ARFGEF3: variants seen among roughly 807,000 people sequenced by gnomAD.
The protein encoded by ARFGEF3 is ARFGEF family member 3, also known as brefeldin A-inhibited guanine nucleotide-exchange protein 3.
In ARFGEF3, 96 loss-of-function variants were observed where a neutral mutation model predicts 221.7. The observed-to-expected ratio is 0.43, with a 90% CI of 0.37 to 0.51. The LOEUF (loss-of-function observed/expected upper bound fraction) is 0.51. Among genes scored for constraint, ARFGEF3 ranks in the 20% least tolerant of loss-of-function variants. The pLI, the probability that ARFGEF3 is intolerant of heterozygous loss-of-function variation, is 0.00. For synonymous variants in ARFGEF3, 1,145 were observed against 1,126.8 expected, an observed-to-expected ratio of 1.02 and a Z score of -0.32; for missense variants, 2,410 against 2,789.9, an observed-to-expected ratio of 0.86 and a Z score of 3.07.
intron 2 of ARFGEF3, among the ~76,000 whole-genome samples, chr6:138,201,244 T>G (rs966684690): frequency 6.6e-6 from 1 of 152,210 alleles, no homozygotes; most frequent in African/African-American, 2.4e-5. Flanking sequence ...GTACAGCCAC[T>G]ATGGAAAACA....
chr6:138,258,108 C>G (rs1056335440), intron 10 of ARFGEF3, among the ~76,000 whole-genome samples: 2 of 152,154 alleles, frequency 1.3e-5, no homozygotes, highest in African/African-American at 4.8e-5. Context: ...TTCATTGACT[C>G]TCCCATCAAG....
intron 2 of ARFGEF3, among the ~76,000 whole-genome samples, chr6:138,178,322 G>A (rs79235531): frequency 0.04 from 6,153 of 152,180 alleles, 137 homozygotes; most frequent in Middle Eastern, 0.092. Context: ...TAAGTAGCCC[G>A]ATAGCTCCCC....
chr6:138,294,446 G>GA, intron 20 of ARFGEF3, among the ~76,000 whole-genome samples: 1 of 152,356 alleles, frequency 6.6e-6, no homozygotes, highest in Non-Finnish European at 1.5e-5. Context: ...TCCTTCACAT[G>GA]AGGGTGGAGC....
In ARFGEF3 at chr6:138,255,558, T is replaced by G. The variant is rs1427001627; in HGVS notation, c.893T>G (p.Val298Gly). 4 of 1,613,720 alleles carry G rather than the reference T, an allele frequency of 2.5e-6. No homozygotes were observed. In the East Asian group the frequency reaches 8.9e-5, roughly 36 times the overall value. Residue 298 changes from valine to glycine, a missense_variant, in exon 10 of 34, where the codon GTG (valine) becomes GGG (glycine). Around this residue, in one of 5 missense-constraint regions of ARFGEF3, gnomAD observed 570 missense variants for 586.9 expected, o/e 0.97. Transcript: ENST00000251691. ...SLESDSASPG[V>G]SDHGRGSGCS... ...GAGTCGGACTCTGCGTCTCCGGGAG[T>G]GTCTGACCACGGCCGAGGATCAGGC... is the stretch of plus-strand genomic sequence containing the variant.
rs1780083332 is a variant in ARFGEF3, at chr6:138,324,004, A to G, written c.4870-19A>G. On this transcript the variant is annotated intron_variant, in intron 30 of 33. Transcript: ENST00000251691. ...ATGAACCAGGATGCATTCAGTGAGCATCTGCTGTTTCTCCCCAGGACCTGC... is the reference window on the plus strand; with the variant it reads ...ATGAACCAGGATGCATTCAGTGAGCGTCTGCTGTTTCTCCCCAGGACCTGC... 4 of 1,611,124 alleles carry G rather than the reference A, an allele frequency of 2.5e-6. No homozygotes were observed. Among genetic ancestry groups the G allele is most frequent in the Non-Finnish European group, 3.4e-6 (4 of 1,178,248 alleles).
intron 29 of ARFGEF3, 125 bp from the exon 30 acceptor site, chr6:138,323,546 G>A (rs1489598408): frequency 7.0e-6 from 5 of 718,998 alleles, no homozygotes; most frequent in Non-Finnish European, 1.1e-5. Flanking sequence ...GGGAGATGGA[G>A]GTTGCAGTGA....
Position 138,162,187 on chromosome 6 carries a change from C to T in ARFGEF3, c.85+16C>T, listed in dbSNP as rs761794903. The T allele has an allele frequency of 5.0e-6, 8 of 1,587,020 alleles. No homozygotes were observed. The South Asian group carries it at 7.8e-5, about 16-fold the overall frequency. Reference sequence around the variant, plus strand: ...TGGGCCCTGGGTAAGCGTCCGGCACCTGCTCGCCGCGGCGGGAGGGCCGCG... The same window carrying T: ...TGGGCCCTGGGTAAGCGTCCGGCACTTGCTCGCCGCGGCGGGAGGGCCGCG... On this transcript the variant is annotated intron_variant, in intron 1 of 33. Transcript: ENST00000251691. The surrounding 1 kb of genome is among the most constrained non-coding windows in gnomAD (Gnocchi z 4.7).
intron 33 of ARFGEF3, 64 bp downstream of exon 33, chr6:138,335,252 C>G (rs925369818): frequency 4.2e-6 from 6 of 1,439,798 alleles, no homozygotes; most frequent in Non-Finnish European, 5.5e-6. Flanking sequence ...ATGGGCCCCC[C>G]CTTGCAGAGC....
Position 138,182,043 on chromosome 6 carries a change from T to A in ARFGEF3, c.137+11330T>A, listed in dbSNP as rs184620072. ...GGAGAAGGGTGGGTGCAGACTAGAATCATGTGTTGTTTTCTTGGAAACCTT... is the reference window on the plus strand; with the variant it reads ...GGAGAAGGGTGGGTGCAGACTAGAAACATGTGTTGTTTTCTTGGAAACCTT... On this transcript the variant is annotated intron_variant, in intron 2 of 33. Transcript: ENST00000251691. Among the ~76,000 whole-genome samples the A allele has an allele frequency of 2.0e-5, 3 of 152,240 alleles. No individual in the cohort carries two copies. In the East Asian group the frequency reaches 5.8e-4, roughly 29 times the overall value.
At chr6:138,323,641 A>G in intron 29 of ARFGEF3, 30 bp from the exon 30 acceptor site, 1 of 1,599,306 alleles carries the variant, frequency 6.3e-7, no homozygotes, top group Non-Finnish European at 8.5e-7. Context: ...ACAACAAAAA[A>G]AAAACTCCTT....
intron 4 of ARFGEF3, chr6:138,218,071 A>G (rs778291539): frequency 2.5e-6 from 4 of 1,613,966 alleles, no homozygotes; most frequent in South Asian, 1.1e-5. Flanking sequence ...TGCAAAGTCA[A>G]TGTGAATAAT....
Position 138,209,995 on chromosome 6 carries a change from A to C in ARFGEF3, c.305A>C (p.Lys102Thr). Residue 102 changes from lysine to threonine, a missense_variant, in exon 4 of 34, where the codon AAA becomes ACA. Coordinates refer to ENST00000251691, the MANE Select transcript of ARFGEF3 (RefSeq NM_020340.5). ...QLLNQILNAV[K>T]VTPSLNEDLQ... is the part of the protein sequence containing the mutation. ...CTCAATCAGATACTGAATGCCGTGAAAGTGACGCCTTCGCTCAACGAGGAC... is the reference window on the plus strand; with the variant it reads ...CTCAATCAGATACTGAATGCCGTGACAGTGACGCCTTCGCTCAACGAGGAC... 1 of 1,613,916 alleles carries C rather than the reference A, an allele frequency of 6.2e-7. No homozygotes were observed. Among genetic ancestry groups the C allele is most frequent in the Non-Finnish European group, 8.5e-7 (1 of 1,179,836 alleles).
intron 1 of ARFGEF3, among the ~76,000 whole-genome samples, chr6:138,163,702 G>T (rs1395453004): frequency 6.6e-6 from 1 of 152,178 alleles, no homozygotes; most frequent in Non-Finnish European, 1.5e-5. Context: ...CACTGGGGAG[G>T]CTGAGCATTG....
At chr6:138,216,580 G>A (rs935563885) in intron 4 of ARFGEF3, 1 of 152,192 alleles carries the variant, frequency 6.6e-6, no homozygotes, top group African/African-American at 2.4e-5. Flanking sequence ...TAGTTTTGAT[G>A]TTCTTAACTC....
chr6:138,190,062 C>T (rs1356666386), intron 2 of ARFGEF3, among the ~76,000 whole-genome samples: 2 of 151,220 alleles, frequency 1.3e-5, no homozygotes, highest in African/African-American at 4.9e-5. Flanking sequence ...CTAACCTGGG[C>T]AACAGGACAA....
chr6:138,253,873 T>G lies in ARFGEF3; in HGVS notation c.666-7T>G. ...TCTGCATTTGTGTCGGTTCTGCTCT[T>G]CTGCAGTGACAGCCAGCAGCTGCAG... On this transcript the variant is annotated splice_region_variant and splice_polypyrimidine_tract_variant and intron_variant, in intron 8 of 33. Coordinates refer to ENST00000251691, the MANE Select transcript of ARFGEF3 (RefSeq NM_020340.5). The G allele has an allele frequency of 6.4e-7, 1 of 1,567,176 alleles. No homozygotes were observed. Among genetic ancestry groups the G allele is most frequent in the Non-Finnish European group, 8.7e-7 (1 of 1,154,452 alleles).
Position 138,338,918 on chromosome 6 carries a change from A to G in ARFGEF3, c.*2432A>G, listed in dbSNP as rs1780380235. On this transcript the variant is annotated 3_prime_UTR_variant, in exon 34 of 34. Coordinates refer to ENST00000251691, the MANE Select transcript of ARFGEF3 (RefSeq NM_020340.5). Reference sequence around the variant, plus strand: ...ATCCAAAATTCTTGAACATAAGTTTACCCTGTACTGTGTCCAAACACTGTT... The same window carrying G: ...ATCCAAAATTCTTGAACATAAGTTTGCCCTGTACTGTGTCCAAACACTGTT... The G allele has an allele frequency of 6.6e-6, 1 of 152,042 alleles. No individual in the cohort carries two copies. The highest frequency in any genetic ancestry group is 1.5e-5 in the Non-Finnish European group (1 of 68,034). 9.4% of individuals were successfully genotyped at this position (152,042 alleles called of 1,614,324 possible).
chr6:138,291,786 C>T lies in ARFGEF3; in HGVS notation c.3101C>T (p.Ser1034Leu), dbSNP rs746485693. ...LEHNHFSDGA[S>L]QPPLTISQPQ... Reference sequence around the variant, plus strand: ...CACAACCACTTCAGCGATGGTGCCTCGCAGCCCCCTCTGACCATCAGCCAG... The same window carrying T: ...CACAACCACTTCAGCGATGGTGCCTTGCAGCCCCCTCTGACCATCAGCCAG... The change falls in exon 19 of 34, where the codon TCG becomes TTG. Residue 1034 changes from serine (S) to leucine (L), a missense_variant. This residue lies in a region of ARFGEF3 where 184 missense variants were observed against 141.8 expected (regional missense o/e 1.30). Transcript: ENST00000251691. The surrounding 1 kb of genome is among the most constrained non-coding windows in gnomAD (Gnocchi z 4.5). 4.1e-6 allele frequency: 6 copies of T among 1,467,264 alleles called. No homozygotes were observed. Among genetic ancestry groups the T allele is most frequent in the Non-Finnish European group, 2.7e-6 (3 of 1,108,326 alleles). The allele number at this position is 1,467,264 out of a possible 1,614,324, so 90.9% of individuals were successfully genotyped here. A position where few individuals can be genotyped will look rare whatever the true frequency, so the allele number is the denominator to read the frequency against.
At chr6:138,292,835 C>T (rs1156622934) in intron 19 of ARFGEF3, among the ~76,000 whole-genome samples, 1 of 152,168 alleles carries the variant, frequency 6.6e-6, no homozygotes, top group East Asian at 1.9e-4. Context: ...TAACCCACTA[C>T]CATAATTGCT....
Sources: gnomAD v4.1 joint callset for allele counts (sites outside exome capture counted in the v4.1 genomes callset) on GRCh38, gnomAD v4.1.1 for gene constraint, gnomAD v4.1.1 regional missense constraint, Gnocchi (gnomAD v3.1) non-coding constraint, MANE v1.5 for transcripts, NCBI Gene and HGNC (gene_info 2026-07-23, HGNC 2026-07-21) for gene names.